Variants in TOGARAM1 observed in about 807,000 individuals in gnomAD.
The protein encoded by TOGARAM1 is TOG array regulator of axonemal microtubules protein 1.
In TOGARAM1, 100 loss-of-function variants were observed where a neutral mutation model predicts 166.6. That is an observed-to-expected ratio of 0.60 (90% CI 0.51 to 0.71). The LOEUF is 0.71. TOGARAM1 is among the 30% of genes least tolerant of loss of function. The pLI, the probability that TOGARAM1 is intolerant of heterozygous loss-of-function variation, is 0.00. For missense variants in TOGARAM1, 2,029 were observed against 2,102.7 expected (o/e 0.96, Z 0.69); for synonymous variants, 758 against 763.8 (o/e 0.99, Z 0.13).
At chr14:44,994,854 C>T (rs1218980166) in intron 1 of TOGARAM1, among the ~76,000 whole-genome samples, 1 of 152,076 alleles carries the variant, frequency 6.6e-6, no homozygotes, top group East Asian at 1.9e-4. Flanking sequence ...TTTTATTTTG[C>T]CATTTGATAA....
At chr14:45,057,026 G>GT (rs900515514) in intron 16 of TOGARAM1, among the ~76,000 whole-genome samples, 1 of 151,946 alleles carries the variant, frequency 6.6e-6, no homozygotes, top group African/African-American at 2.4e-5. Flanking sequence ...GTCCTGTGGG[G>GT]TTTTTTTGCT....
At chr14:45,006,305 G>A in intron 5 of TOGARAM1, 38 bp downstream of exon 5, 2 of 1,472,668 alleles carry the variant, frequency 1.4e-6, no homozygotes, top group African/African-American at 1.4e-5. Flanking sequence ...AAAAATATTT[G>A]CAATTTTCTA....
At position 44,995,753 on chromosome 14, in the gene TOGARAM1, C is replaced by T. The variant is rs1204211987; in HGVS notation, c.2054C>T (p.Thr685Ile). Residue 685 changes from threonine to isoleucine, a missense_variant, in exon 2 of 20, where the codon ACA becomes ATA. Coordinates refer to ENST00000361462, the MANE Select transcript of TOGARAM1 (RefSeq NM_001308120.2). ...ATGATTCTGTTCTTATAGTTTTCAA[C>T]ATATGATTTCATCCCATCTGCAAAA... ...STSKDIEQFS[T>I]YDFIPSAKLK... is the part of the protein sequence containing the mutation. The T allele has an allele frequency of 1.2e-5, 18 of 1,562,034 alleles. No individual in the cohort carries two copies. Among genetic ancestry groups the T allele is most frequent in the Admixed American group, 1.9e-5 (1 of 51,504 alleles).
At chr14:44,982,939 T>C (rs1271645226) in intron 1 of TOGARAM1, among the ~76,000 whole-genome samples, 4 of 152,172 alleles carry the variant, frequency 2.6e-5, no homozygotes, top group Admixed American at 2.6e-4. Context: ...TATCAACAAA[T>C]ACCTGTTAAA....
In TOGARAM1 at chr14:44,967,077, G is replaced by T. The variant is rs114246781; in HGVS notation, c.2046+2610G>T. On this transcript the variant is annotated intron_variant, in intron 1 of 19. Transcript: ENST00000361462. ...GAAGTCCTAGTACTGCCTTTTTATTGGGCAGTGGTATTTGAAAACAAAAGT... is the reference window on the plus strand; with the variant it reads ...GAAGTCCTAGTACTGCCTTTTTATTTGGCAGTGGTATTTGAAAACAAAAGT... Among the ~76,000 whole-genome samples the T allele has an allele frequency of 9.6e-3, 1,450 of 151,438 alleles. 18 individuals carry two copies. The highest frequency in any genetic ancestry group is 0.033 in the African/African-American group (1,375 of 41,218).
At chr14:45,001,432 A>G (rs377363391) in intron 3 of TOGARAM1, among the ~76,000 whole-genome samples, 3 of 152,356 alleles carry the variant, frequency 2.0e-5, no homozygotes, top group East Asian at 3.9e-4. Flanking sequence ...AAGCTTCTGC[A>G]TGGCAAAGGA....
At position 44,995,794 on chromosome 14, in the gene TOGARAM1, G is replaced by A; in HGVS notation, c.2095G>A (p.Gly699Arg). ...IPSAKLKLSQGMPVNDDLCFS... is the reference protein window; with the variant it reads ...IPSAKLKLSQRMPVNDDLCFS... ...ATCTGCAAAATTAAAGCTTTCTCAAGGAATGCCAGTCAATGATGATTTATG... is the reference window on the plus strand; with the variant it reads ...ATCTGCAAAATTAAAGCTTTCTCAAAGAATGCCAGTCAATGATGATTTATG... Residue 699 changes from glycine to arginine, a missense_variant, in exon 2 of 20, where the codon GGA becomes AGA. Gly to Arg is a moderately radical substitution (Grantham distance 125). This residue lies in a region of TOGARAM1 where 1,453 missense variants were observed against 1,432.2 expected (regional missense o/e 1.01). Transcript: ENST00000361462. 1 of 1,600,712 alleles carries A rather than the reference G, an allele frequency of 6.2e-7. No homozygotes were observed. Among genetic ancestry groups the A allele is most frequent in the South Asian group, 1.1e-5 (1 of 88,190 alleles).
chr14:45,038,895 C>T (rs773387073), intron 11 of TOGARAM1, among the ~76,000 whole-genome samples: 1 of 152,298 alleles, frequency 6.6e-6, no homozygotes, highest in South Asian at 2.1e-4. Context: ...TATTGAGTAA[C>T]AGTATACCTC....
At chr14:45,021,271 G>C (rs943137875) in intron 7 of TOGARAM1, among the ~76,000 whole-genome samples, 4 of 152,128 alleles carry the variant, frequency 2.6e-5, no homozygotes, top group African/African-American at 9.7e-5. Flanking sequence ...TGCAAAGAGT[G>C]GCAGAGTTAC....
chr14:44,977,589 CAG>C (rs1019676154), intron 1 of TOGARAM1, among the ~76,000 whole-genome samples: 2 of 152,018 alleles, frequency 1.3e-5, no homozygotes, highest in African/African-American at 4.8e-5. Context: ...AGACCCCACA[CAG>C]AGAAATTTTA....
At chr14:45,044,502 C>T in intron 12 of TOGARAM1, 133 bp from the exon 13 acceptor site, 1 of 644,948 alleles carries the variant, frequency 1.6e-6, no homozygotes, top group Non-Finnish European at 2.6e-6. Context: ...AATCATGCTA[C>T]TGCACTCCAG....
intron 1 of TOGARAM1, among the ~76,000 whole-genome samples, chr14:44,992,513 G>A (rs927302774): frequency 1.3e-5 from 2 of 149,466 alleles, no homozygotes; most frequent in African/African-American, 2.5e-5. Context: ...TACCAAAATA[G>A]AATTAAAACT....
rs565801649 is a variant in TOGARAM1, at chr14:45,026,205, A to G, written c.3328+333A>G. ...GTAGCCCTTATTTATCAGCGTAATA[A>G]TCAATATAAATTAATATAATTATCT... On this transcript the variant is annotated intron_variant, in intron 8 of 19. Transcript: ENST00000361462. Among the ~76,000 whole-genome samples, 3 of 152,310 alleles carry G rather than the reference A, an allele frequency of 2.0e-5. No individual in the cohort carries two copies. In the South Asian group the frequency reaches 6.2e-4, roughly 32 times the overall value.
At chr14:45,060,805 C>T (rs1265238611) in intron 16 of TOGARAM1, among the ~76,000 whole-genome samples, 1 of 152,158 alleles carries the variant, frequency 6.6e-6, no homozygotes, top group Non-Finnish European at 1.5e-5. Context: ...TGATGTTGTA[C>T]CCTTCTCACT....
At chr14:44,987,411 A>T (rs997135484) in intron 1 of TOGARAM1, among the ~76,000 whole-genome samples, 11 of 152,094 alleles carry the variant, frequency 7.2e-5, no homozygotes, top group Middle Eastern at 3.2e-3. Flanking sequence ...ATTTACAAGA[A>T]TAAAACAAAC....
At chr14:44,982,602 T>C (rs1200649014) in intron 1 of TOGARAM1, among the ~76,000 whole-genome samples, 1 of 152,180 alleles carries the variant, frequency 6.6e-6, no homozygotes, top group African/African-American at 2.4e-5. Flanking sequence ...CTGGGACATA[T>C]AAAAGGGCAG....
In TOGARAM1 at chr14:45,066,763, T is replaced by C. The variant is rs1384312567; in HGVS notation, c.4745T>C (p.Val1582Ala). The C allele has an allele frequency of 1.2e-6, 2 of 1,611,858 alleles. No individual in the cohort carries two copies. Among genetic ancestry groups the C allele is most frequent in the Non-Finnish European group, 1.7e-6 (2 of 1,178,586 alleles). The change falls in exon 17 of 20, where the codon GTG (valine) becomes GCG (alanine). Residue 1582 changes from valine (V) to alanine (A), a missense_variant. Val to Ala is a moderately conservative substitution (Grantham distance 64). Transcript: ENST00000361462. Reference protein sequence around the residue: ...NNQDLVVGNIVKIFDAFKSRL... With the variant: ...NNQDLVVGNIAKIFDAFKSRL... ...CAAGACCTTGTTGTTGGAAACATTG[T>C]GAAGGTAAGGACTTGTCAGAATTAA... is the stretch of plus-strand genomic sequence containing the variant.
At chr14:45,030,929 A>G (rs986746488) in intron 10 of TOGARAM1, among the ~76,000 whole-genome samples, 1 of 152,158 alleles carries the variant, frequency 6.6e-6, no homozygotes, top group Non-Finnish European at 1.5e-5. Context: ...TAGAATACCT[A>G]CCTCAGCTTT....
In TOGARAM1 at chr14:44,963,258, A is replaced by C. The variant is rs779299119; in HGVS notation, c.837A>C (p.Ala279=). ...AAGAATCTGAGACAGCTTTCTCCGC[A>C]CTTCAACAAATTGGGGAGCGACTTG... is the stretch of plus-strand genomic sequence containing the variant. ...TEEESETAFS[A]LQQIGERLGQ... is the part of the protein sequence containing the mutation. The change falls in exon 1 of 20, where the codon GCA becomes GCC. Residue 279 remains alanine (A), a synonymous_variant. Coordinates refer to ENST00000361462, the MANE Select transcript of TOGARAM1 (RefSeq NM_001308120.2). The C allele has an allele frequency of 1.7e-5, 28 of 1,614,162 alleles. No homozygotes were observed. In the East Asian group the frequency reaches 6.2e-4, roughly 36 times the overall value.
Sources: gnomAD v4.1 joint callset for allele counts (sites outside exome capture counted in the v4.1 genomes callset) on GRCh38, gnomAD v4.1.1 for gene constraint, gnomAD v4.1.1 regional missense constraint, MANE v1.5 for transcripts, NCBI Gene and HGNC (gene_info 2026-07-23, HGNC 2026-07-21) for gene names.